The following OSGIN2 variants were observed in gnomAD, a reference collection of about 807,000 sequenced individuals.
OSGIN2 encodes oxidative stress-induced growth inhibitor 2.
A neutral mutation model predicts 53.8 loss-of-function variants in OSGIN2; 19 were observed. That is an observed-to-expected ratio of 0.35 (90% CI 0.25 to 0.52). OSGIN2 has a LOEUF of 0.52. OSGIN2 is among the 20% of genes least tolerant of loss of function. The probability of loss-of-function intolerance (pLI) is 0.95; values close to 1 mark genes in which losing one functional copy is unlikely to be tolerated. For synonymous variants in OSGIN2, 236 were observed against 236.0 expected, an observed-to-expected ratio of 1.00 and a Z score of 0.00; for missense variants, 520 against 662.7, an observed-to-expected ratio of 0.78 and a Z score of 2.36.
At chr8:89,904,358 C>A (rs1808792281) in intron 1 of OSGIN2, among the ~76,000 whole-genome samples, 1 of 152,138 alleles carries the variant, frequency 6.6e-6, no homozygotes, top group Admixed American at 6.6e-5. Context: ...TGTTGAATAC[C>A]ATTTGCTTCC....
Position 89,926,914 on chromosome 8 carries a change from A to G in OSGIN2, c.*1382A>G, listed in dbSNP as rs1213726408. The stretch of plus-strand genomic sequence containing the variant: ...AGGACCATAATTCACTTTAAATATA[A>G]TTGTATAGAATATATTTGCGTCGAT... On this transcript the variant is annotated 3_prime_UTR_variant, in exon 6 of 6. Coordinates refer to ENST00000451899, the MANE Select transcript of OSGIN2 (RefSeq NM_001126111.3). The G allele has an allele frequency of 1.3e-5, 2 of 152,208 alleles. No individual in the cohort carries two copies. Among genetic ancestry groups the G allele is most frequent in the Non-Finnish European group, 2.9e-5 (2 of 68,024 alleles). The allele number at this position is 152,208 out of a possible 1,614,324, so 9.4% of individuals were successfully genotyped here. A position where few individuals can be genotyped will look rare whatever the true frequency, so the allele number is the denominator to read the frequency against.
intron 1 of OSGIN2, among the ~76,000 whole-genome samples, chr8:89,904,765 G>A (rs1214218174): frequency 6.6e-6 from 1 of 152,170 alleles, no homozygotes; most frequent in East Asian, 1.9e-4. Context: ...AGTGACCTGA[G>A]ATCGCACCAC....
At chr8:89,913,061 G>C (rs1378102097) in intron 2 of OSGIN2, among the ~76,000 whole-genome samples, 5 of 152,122 alleles carry the variant, frequency 3.3e-5, no homozygotes, top group African/African-American at 1.2e-4. Context: ...CCACAGTAGC[G>C]ATGTTATCTG....
At position 89,914,667 on chromosome 8, in the gene OSGIN2, T is replaced by C; in HGVS notation, c.449T>C (p.Val150Ala). 1.9e-6 allele frequency: 3 copies of C among 1,614,060 alleles called. No individual in the cohort carries two copies. Among genetic ancestry groups the C allele is most frequent in the Non-Finnish European group, 2.5e-6 (3 of 1,179,874 alleles). The change falls in exon 4 of 6, where the codon GTT (valine) becomes GCT (alanine). Residue 150 changes from valine to alanine, a missense_variant. By Grantham distance (64) the Val-to-Ala change is moderately conservative. Around this residue, in one of 3 missense-constraint regions of OSGIN2, gnomAD observed 203 missense variants for 275.3 expected, o/e 0.74. Transcript: ENST00000451899. ...DADFGYDYPS[V>A]LHWKLEQHHY... Reference sequence around the variant, plus strand: ...GACTTTGGGTATGATTATCCATCCGTTTTGCATTGGAAATTAGAGCAACAT... The same window carrying C: ...GACTTTGGGTATGATTATCCATCCGCTTTGCATTGGAAATTAGAGCAACAT...
chr8:89,924,703 T>G lies in OSGIN2; in HGVS notation c.821T>G (p.Phe274Cys), dbSNP rs1229625973. 6.2e-7 allele frequency: 1 copy of G among 1,614,092 alleles called. No individual in the cohort carries two copies. The highest frequency in any genetic ancestry group is 1.3e-5 in the African/African-American group (1 of 75,036). The change falls in exon 6 of 6, where the codon TTT becomes TGT. Residue 274 changes from phenylalanine to cysteine, a missense_variant. Physicochemically the swap from Phe to Cys is radical, Grantham distance 205 (BLOSUM62 -2). Transcript: ENST00000451899. Reference protein sequence around the residue: ...TKHLQIEKSNFIKRNWEIRGY... With the variant: ...TKHLQIEKSNCIKRNWEIRGY... Reference sequence around the variant, plus strand: ...CATTTACAGATAGAGAAGTCAAACTTTATCAAGAGAAACTGGGAAATTAGG... The same window carrying G: ...CATTTACAGATAGAGAAGTCAAACTGTATCAAGAGAAACTGGGAAATTAGG...
intron 1 of OSGIN2, among the ~76,000 whole-genome samples, chr8:89,904,556 C>T (rs1372748073): frequency 6.6e-6 from 1 of 152,032 alleles, no homozygotes; most frequent in Non-Finnish European, 1.5e-5. Context: ...TTACCAGCTC[C>T]TTCAGGAATA....
At chr8:89,915,973 T>C (rs1436614533) in intron 4 of OSGIN2, among the ~76,000 whole-genome samples, 1 of 152,032 alleles carries the variant, frequency 6.6e-6, no homozygotes, top group African/African-American at 2.4e-5. Flanking sequence ...TACAATAAGC[T>C]GCATCCATTT....
intron 4 of OSGIN2, among the ~76,000 whole-genome samples, chr8:89,917,706 T>C (rs1223284669): frequency 1.3e-5 from 2 of 152,196 alleles, no homozygotes; most frequent in African/African-American, 4.8e-5. Context: ...ACAGATAAAA[T>C]GTAATCCATT....
At chr8:89,917,220 C>T (rs1419809224) in intron 4 of OSGIN2, among the ~76,000 whole-genome samples, 1 of 152,232 alleles carries the variant, frequency 6.6e-6, no homozygotes, top group Non-Finnish European at 1.5e-5. Context: ...ACTCCAGTGG[C>T]TCCACTGTAG....
chr8:89,924,175 A>G (rs544137898), intron 5 of OSGIN2, among the ~76,000 whole-genome samples: 4 of 152,292 alleles, frequency 2.6e-5, no homozygotes, highest in Admixed American at 6.5e-5. Context: ...AAGTAGTCCA[A>G]TTTTCAAATA....
intron 1 of OSGIN2, among the ~76,000 whole-genome samples, chr8:89,908,280 ATTGG>A (rs1280754357): frequency 1.3e-5 from 2 of 152,104 alleles, no homozygotes; most frequent in East Asian, 3.9e-4. Flanking sequence ...GCCATGTCTG[ATTGG>A]TGTCTGTTTT....
At position 89,924,746 on chromosome 8, in the gene OSGIN2, T is replaced by C; in HGVS notation, c.864T>C (p.Ala288=). ...AAATTAGGGGTTATCAGCGAATAGC[T>C]GATGGTTCTCATGTTCCCTTCTGCC... ...NWEIRGYQRI[A]DGSHVPFCLF... The change falls in exon 6 of 6, where the codon GCT becomes GCC. Residue 288 remains alanine (A), a synonymous_variant. Transcript: ENST00000451899. The C allele has an allele frequency of 2.5e-6, 4 of 1,614,208 alleles. No homozygotes were observed. The highest frequency in any genetic ancestry group is 3.4e-6 in the Non-Finnish European group (4 of 1,180,018).
At chr8:89,907,263 A>G (rs1808858447) in intron 1 of OSGIN2, among the ~76,000 whole-genome samples, 2 of 145,512 alleles carry the variant, frequency 1.4e-5, no homozygotes, top group South Asian at 4.4e-4. Context: ...CGTTAGTTTA[A>G]TTAGATACCA....
rs1350810441 is a variant in OSGIN2 at position 89,925,131 on chromosome 8, T to C, written c.1249T>C (p.Ser417Pro). Residue 417 changes from serine to proline, a missense_variant, in exon 6 of 6, where the codon TCT becomes CCT. By Grantham distance (74) the Ser-to-Pro change is moderately conservative. Around this residue, in one of 3 missense-constraint regions of OSGIN2, gnomAD observed 239 missense variants for 328.3 expected, o/e 0.73. Coordinates refer to ENST00000451899, the MANE Select transcript of OSGIN2 (RefSeq NM_001126111.3). ...ATATTCTGTAGACTCAAATCTTTTA[T>C]CTGATTATACCAGCTTTCCCGAGCA... is the stretch of plus-strand genomic sequence containing the variant. ...QSYSVDSNLL[S>P]DYTSFPEHRV... The C allele has an allele frequency of 6.2e-7, 1 of 1,614,116 alleles. No homozygotes were observed. Among genetic ancestry groups the C allele is most frequent in the Non-Finnish European group, 8.5e-7 (1 of 1,179,948 alleles).
chr8:89,916,941 T>G (rs797012769), intron 4 of OSGIN2, among the ~76,000 whole-genome samples: 42 of 152,286 alleles, frequency 2.8e-4, no homozygotes, highest in African/African-American at 9.9e-4. Context: ...AAAGCCCTGT[T>G]CCATTGAACA....
chr8:89,925,226 T>TA lies in OSGIN2; in HGVS notation c.1346dup (p.Leu450AlafsTer13). The TA allele has an allele frequency of 6.2e-7, 1 of 1,614,140 alleles. No individual in the cohort carries two copies. The highest frequency in any genetic ancestry group is 8.5e-7 in the Non-Finnish European group (1 of 1,179,996). On this transcript the variant is annotated frameshift_variant, in exon 6 of 6. Transcript: ENST00000451899. LOFTEE classifies it high-confidence loss of function. Reference sequence around the variant, plus strand: ...GCGTTTCTGGATTGAAGAAAATATTTAAGCTGTCTGCAGCAGTAGTATTGA... The same window carrying TA: ...GCGTTTCTGGATTGAAGAAAATATTTAAAGCTGTCTGCAGCAGTAGTATTGA...
rs151285605 is a variant in OSGIN2 at position 89,920,669 on chromosome 8, G to C, written c.529-411G>C. Among the ~76,000 whole-genome samples, 1,115 of 152,222 alleles carry C rather than the reference G, an allele frequency of 7.3e-3. 7 individuals are homozygous for C. The highest frequency in any genetic ancestry group is 0.012 in the Non-Finnish European group (783 of 68,008). On this transcript the variant is annotated intron_variant, in intron 4 of 5. Transcript: ENST00000451899. ...AAAGAAAGTTAATAATATTAAAATGGAAAGCCATCTAAAATTTTGGAACTT... is the reference window on the plus strand; with the variant it reads ...AAAGAAAGTTAATAATATTAAAATGCAAAGCCATCTAAAATTTTGGAACTT...
chr8:89,926,921 A>G lies in OSGIN2; in HGVS notation c.*1389A>G, dbSNP rs1809347046. The G allele has an allele frequency of 6.6e-6, 1 of 152,202 alleles. No individual in the cohort carries two copies. The allele number at this position is 152,202 out of a possible 1,614,324, so 9.4% of individuals were successfully genotyped here. The stretch of plus-strand genomic sequence containing the variant: ...TAATTCACTTTAAATATAATTGTAT[A>G]GAATATATTTGCGTCGATCAAATAA... On this transcript the variant is annotated 3_prime_UTR_variant, in exon 6 of 6. Coordinates refer to ENST00000451899, the MANE Select transcript of OSGIN2 (RefSeq NM_001126111.3).
chr8:89,908,110 T>C (rs1253572719), intron 1 of OSGIN2, among the ~76,000 whole-genome samples: 1 of 152,162 alleles, frequency 6.6e-6, no homozygotes, highest in Admixed American at 6.5e-5. Flanking sequence ...ACATGTTAAA[T>C]GCAGTTGCCA....
Sources: gnomAD v4.1 joint callset for allele counts (sites outside exome capture counted in the v4.1 genomes callset) on GRCh38, gnomAD v4.1.1 for gene constraint, gnomAD v4.1.1 regional missense constraint, MANE v1.5 for transcripts, NCBI Gene and HGNC (gene_info 2026-07-23, HGNC 2026-07-21) for gene names.